CTPS2: variants seen among roughly 807,000 people sequenced by gnomAD.
CTPS2 encodes CTP synthase 2.
CTPS2 carries 19 observed loss-of-function variants against 46.8 expected under a neutral mutation model. That is an observed-to-expected ratio of 0.41 (90% CI 0.28 to 0.60). CTPS2 has a LOEUF of 0.60. CTPS2 is among the 20% of genes least tolerant of loss of function. The probability of loss-of-function intolerance (pLI) is 0.35; values close to 1 mark genes in which losing one functional copy is unlikely to be tolerated. For missense variants in CTPS2, 286 were observed against 447.6 expected, an observed-to-expected ratio of 0.64 and a Z score of 3.26; for synonymous variants, 151 against 165.2, an observed-to-expected ratio of 0.91 and a Z score of 0.66.
chrX:16,662,554 A>G lies in CTPS2; in HGVS notation c.1296+4960T>C, dbSNP rs749633659. 9.9e-5 allele frequency among the ~76,000 whole-genome samples: 11 copies of G among 111,120 alleles called. No individual in the cohort carries two copies. In the East Asian group the frequency reaches 2.5e-3, roughly 26 times the overall value. ...CTTAGGAGTAAATATTCCCTATAGA[A>G]GGCTCCTGGTTTCCAAACTGTTTAC... On this transcript the variant is annotated intron_variant, in intron 13 of 18. Transcript: ENST00000359276.
At chrX:16,623,102 T>A (rs1047277523) in intron 14 of CTPS2, among the ~76,000 whole-genome samples, 1 of 111,710 alleles carries the variant, frequency 9.0e-6, no homozygotes, top group African/African-American at 3.3e-5. Context: ...CCTTCAATTA[T>A]TTTTTTAAAT....
chrX:16,707,727 CT>C (rs761169792), intron 1 of CTPS2, among the ~76,000 whole-genome samples: 1 of 112,266 alleles, frequency 8.9e-6, no homozygotes, highest in African/African-American at 3.2e-5. Flanking sequence ...AATCTCAGCA[CT>C]TTGGGAGGCC....
chrX:16,688,437 C>CTT lies in CTPS2; in HGVS notation c.872+1011_872+1012dup, dbSNP rs755771869. On this transcript the variant is annotated intron_variant, in intron 8 of 18. Transcript: ENST00000359276. ...AACAAGTGACAGGGACTTAATTTCC[C>CTT]TTTTTTTTTTTTTTTAAGATACAGG... Among the ~76,000 whole-genome samples the CTT allele has an allele frequency of 1.1e-3, 109 of 96,920 alleles. 1 individual carries two copies. Among genetic ancestry groups the CTT allele is most frequent in the South Asian group, 5.1e-3 (11 of 2,176 alleles). The allele number at this position is 96,920 out of a possible 115,157, so 84.2% of individuals were successfully genotyped here. A position where few individuals can be genotyped will look rare whatever the true frequency, so the allele number is the denominator to read the frequency against.
intron 9 of CTPS2, among the ~76,000 whole-genome samples, chrX:16,681,339 T>A (rs1922727519): frequency 8.9e-6 from 1 of 111,935 alleles, no homozygotes; most frequent in African/African-American, 3.2e-5. Flanking sequence ...TTCTTTAACA[T>A]ATAAATGGAT....
chrX:16,663,150 T>C (rs1217259082), intron 13 of CTPS2, among the ~76,000 whole-genome samples: 1 of 111,250 alleles, frequency 9.0e-6, no homozygotes, highest in Admixed American at 9.6e-5. Flanking sequence ...AAAGTTGTTT[T>C]GTTTGGTTTT....
intron 10 of CTPS2, among the ~76,000 whole-genome samples, chrX:16,673,090 T>G (rs749809159): frequency 1.2e-4 from 13 of 106,862 alleles, no homozygotes; most frequent in South Asian, 8.5e-4. Context: ...GTTTCACCGT[T>G]TTAGCCGGGA....
At chrX:16,671,685 T>C (rs1921769439) in intron 10 of CTPS2, among the ~76,000 whole-genome samples, 1 of 108,597 alleles carries the variant, frequency 9.2e-6, no homozygotes, top group Admixed American at 9.9e-5. Flanking sequence ...CAGCTAATGT[T>C]TTGTATTTTA....
chrX:16,600,917 C>T (rs1028972491), intron 17 of CTPS2, among the ~76,000 whole-genome samples: 1 of 111,874 alleles, frequency 8.9e-6, no homozygotes, highest in Admixed American at 9.5e-5. Context: ...AAAGCACCAC[C>T]TCAACTGTCC....
chrX:16,627,108 C>T (rs1931198467), intron 14 of CTPS2: 1 of 113,557 alleles, frequency 8.8e-6, no homozygotes, highest in Admixed American at 9.5e-5. Flanking sequence ...AAAACCACTA[C>T]CTGCTGGGCT....
chrX:16,703,060 C>T (rs1924707758), intron 1 of CTPS2, 119 bp from the exon 2 acceptor site: 1 of 459,686 alleles, frequency 2.2e-6, no homozygotes, highest in Admixed American at 4.5e-5. Flanking sequence ...GTCTTACTGT[C>T]ACCCAGGCTG....
At chrX:16,694,449 C>G (rs1188571591) in intron 4 of CTPS2, among the ~76,000 whole-genome samples, 1 of 111,732 alleles carries the variant, frequency 8.9e-6, no homozygotes, top group Non-Finnish European at 1.9e-5. Flanking sequence ...CCTAAAGCAG[C>G]CTATATCCCA....
At chrX:16,614,364 G>A (rs1405604641) in intron 16 of CTPS2, among the ~76,000 whole-genome samples, 1 of 112,278 alleles carries the variant, frequency 8.9e-6, no homozygotes, top group South Asian at 3.7e-4. Context: ...CTAATTGGGA[G>A]ACCATGTAAA....
intron 13 of CTPS2, 130 bp downstream of exon 13, chrX:16,667,384 T>G: frequency 1.5e-6 from 1 of 665,280 alleles, no homozygotes. Context: ...TCCGCCCGCC[T>G]TGACCTCCCA....
intron 1 of CTPS2, among the ~76,000 whole-genome samples, chrX:16,707,641 A>G (rs1428182151): frequency 9.0e-6 from 1 of 111,184 alleles, no homozygotes; most frequent in East Asian, 2.8e-4. Context: ...GTGCCACTGC[A>G]CTCCAGCCTG....
At chrX:16,661,656 C>G (rs1602220244) in intron 13 of CTPS2, among the ~76,000 whole-genome samples, 1 of 112,014 alleles carries the variant, frequency 8.9e-6, no homozygotes, top group Non-Finnish European at 1.9e-5. Flanking sequence ...ATGTAAAATT[C>G]ACTTAACCCT....
At chrX:16,616,494 AGAG>A (rs200286713) in intron 16 of CTPS2, among the ~76,000 whole-genome samples, 1,325 of 111,825 alleles carry the variant, frequency 0.012, 27 homozygotes, top group African/African-American at 0.041. Context: ...CTTTCTCAAA[AGAG>A]GAGAGCAGGC....
At chrX:16,638,435 G>T (rs1193011431) in intron 14 of CTPS2, 2 of 111,769 alleles carry the variant, frequency 1.8e-5, no homozygotes, top group African/African-American at 6.6e-5. Context: ...CCCTAGGAGG[G>T]CAGGGCTGGT....
intron 14 of CTPS2, among the ~76,000 whole-genome samples, chrX:16,623,845 G>A (rs112036510): frequency 0.087 from 6,732 of 77,777 alleles, 563 homozygotes; most frequent in African/African-American, 0.25. Flanking sequence ...GTCTCACTCC[G>A]TCGCCAGGCT....
intron 9 of CTPS2, among the ~76,000 whole-genome samples, chrX:16,682,223 G>T (rs1043391445): frequency 3.6e-5 from 4 of 112,514 alleles, no homozygotes; most frequent in Non-Finnish European, 7.5e-5. Flanking sequence ...AGTGGCTCAT[G>T]CCAGTAATCC....
Sources: gnomAD v4.1 joint callset for allele counts (sites outside exome capture counted in the v4.1 genomes callset) on GRCh38, gnomAD v4.1.1 for gene constraint, MANE v1.5 for transcripts, NCBI Gene and HGNC (gene_info 2026-07-23, HGNC 2026-07-21) for gene names.